CDH13: variants seen among roughly 807,000 people sequenced by gnomAD.
CDH13 encodes cadherin 13, also known as cadherin-13.
A neutral mutation model predicts 63.8 loss-of-function variants in CDH13; 24 were observed. That is an observed-to-expected ratio of 0.38 (90% CI 0.27 to 0.53). The LOEUF (loss-of-function observed/expected upper bound fraction) is 0.53. Ranked by LOEUF, CDH13 falls within the 20% of genes least tolerant of loss-of-function variation. The pLI is 0.85. For synonymous variants in CDH13, 503 were observed against 355.3 expected, an observed-to-expected ratio of 1.42 and a Z score of -4.67; for missense variants, 1,049 against 903.1, an observed-to-expected ratio of 1.16 and a Z score of -2.07.
intron 1 of CDH13, among the ~76,000 whole-genome samples, chr16:82,635,615 G>A (rs891515416): frequency 6.6e-6 from 1 of 152,190 alleles, no homozygotes; most frequent in African/African-American, 2.4e-5. Context: ...ATGGGTTGGA[G>A]CTGGGTAAGA....
intron 7 of CDH13, among the ~76,000 whole-genome samples, chr16:83,495,258 G>T (rs192796005): frequency 1.3e-5 from 2 of 152,292 alleles, no homozygotes; most frequent in African/African-American, 2.4e-5. Flanking sequence ...ATGTACAATG[G>T]TTCGGTCTGG....
intron 4 of CDH13, among the ~76,000 whole-genome samples, chr16:83,134,474 G>C (rs1384017143): frequency 1.3e-5 from 2 of 151,416 alleles, no homozygotes; most frequent in Non-Finnish European, 2.9e-5. Flanking sequence ...ACAGGCATGA[G>C]ATGCTGTGCC....
intron 8 of CDH13, among the ~76,000 whole-genome samples, chr16:83,630,565 G>C (rs770938598): frequency 6.6e-6 from 1 of 152,140 alleles, no homozygotes; most frequent in Non-Finnish European, 1.5e-5. Context: ...CGGCGGTAGA[G>C]GAATAGTCAC....
At chr16:83,748,634 A>G (rs1912809974) in intron 11 of CDH13, among the ~76,000 whole-genome samples, 1 of 152,198 alleles carries the variant, frequency 6.6e-6, no homozygotes, top group Non-Finnish European at 1.5e-5. Flanking sequence ...GACCCTGACC[A>G]TTGAATTGTT....
chr16:83,378,616 G>T (rs1471776135), intron 6 of CDH13, among the ~76,000 whole-genome samples: 1 of 152,138 alleles, frequency 6.6e-6, no homozygotes, highest in Non-Finnish European at 1.5e-5. Flanking sequence ...ATATGATCCA[G>T]TTATTGCTGG....
chr16:82,683,757 G>A (rs1448151583), intron 1 of CDH13, among the ~76,000 whole-genome samples: 1 of 152,188 alleles, frequency 6.6e-6, no homozygotes, highest in African/African-American at 2.4e-5. Flanking sequence ...TAATGAGGGA[G>A]AAAATGAGAC....
intron 10 of CDH13, chr16:83,735,487 G>A (rs1911455185): frequency 6.6e-6 from 1 of 152,120 alleles, no homozygotes; most frequent in Non-Finnish European, 1.5e-5. Flanking sequence ...GGCATAATGT[G>A]ATGGTTTGGT....
At chr16:83,495,657 T>A (rs1419912512) in intron 7 of CDH13, among the ~76,000 whole-genome samples, 1 of 152,226 alleles carries the variant, frequency 6.6e-6, no homozygotes, top group African/African-American at 2.4e-5. Flanking sequence ...AAAATATTTT[T>A]ATTTCCTTCC....
chr16:83,045,634 TAAAAAAAA>T lies in CDH13; in HGVS notation c.366+13434_366+13441del, dbSNP rs71382861. On this transcript the variant is annotated intron_variant, in intron 3 of 13. Transcript: ENST00000567109. ...TCTGGGCGACAGATCAAGATTCCTT[TAAAAAAAA>T]AAAAAAAAAAAAAAAAAGATGGGTC... Among the ~76,000 whole-genome samples, 206 of 107,898 alleles carry T rather than the reference TAAAAAAAA, an allele frequency of 1.9e-3. 1 individual carries two copies. The highest frequency in any genetic ancestry group is 0.011 in the Middle Eastern group (2 of 188). 70.8% of individuals were successfully genotyped at this position (107,898 alleles called of 152,430 possible).
At chr16:83,676,418 C>T (rs1695010756) in intron 9 of CDH13, among the ~76,000 whole-genome samples, 1 of 152,306 alleles carries the variant, frequency 6.6e-6, no homozygotes, top group South Asian at 2.1e-4. Flanking sequence ...GCCAAAGGCT[C>T]TGTCCCCTCC....
intron 2 of CDH13, among the ~76,000 whole-genome samples, chr16:82,924,629 G>T (rs2042250008): frequency 6.6e-6 from 1 of 152,106 alleles, no homozygotes; most frequent in Admixed American, 6.6e-5. Flanking sequence ...GAGCTTTTAA[G>T]ATAAAGCCCG....
At chr16:82,900,667 G>A (rs886807717) in intron 2 of CDH13, among the ~76,000 whole-genome samples, 14 of 152,188 alleles carry the variant, frequency 9.2e-5, no homozygotes, top group Non-Finnish European at 1.8e-4. Flanking sequence ...ATGAACCAAC[G>A]TCCCCGAGGA....
intron 2 of CDH13, among the ~76,000 whole-genome samples, chr16:82,867,705 G>GA (rs769728908): frequency 6.6e-5 from 10 of 152,320 alleles, no homozygotes; most frequent in African/African-American, 9.6e-5. Flanking sequence ...GGCAATTAAT[G>GA]AAAAAGCATG....
intron 9 of CDH13, among the ~76,000 whole-genome samples, chr16:83,673,883 A>T (rs1251267821): frequency 6.6e-6 from 1 of 152,222 alleles, no homozygotes; most frequent in Non-Finnish European, 1.5e-5. Context: ...CCAGGGGAAG[A>T]GGTGCCCACA....
At chr16:83,706,428 G>T (rs6563972) in intron 10 of CDH13, among the ~76,000 whole-genome samples, 96,624 of 152,000 alleles carry the variant, frequency 0.64, 31,270 homozygotes, top group Middle Eastern at 0.75. Context: ...AGAAATATTA[G>T]CATGGCCATT....
intron 7 of CDH13, among the ~76,000 whole-genome samples, chr16:83,569,938 T>G (rs935164441): frequency 2.6e-5 from 4 of 152,130 alleles, no homozygotes; most frequent in African/African-American, 7.2e-5. Flanking sequence ...GGTTTCACCA[T>G]ATTGGCCAGG....
At chr16:83,677,980 A>C (rs751643573) in intron 9 of CDH13, among the ~76,000 whole-genome samples, 2 of 152,130 alleles carry the variant, frequency 1.3e-5, no homozygotes, top group Non-Finnish European at 2.9e-5. Context: ...TTTCTTAATC[A>C]AAAACACAAA....
chr16:83,203,327 T>C (rs2039086546), intron 4 of CDH13, among the ~76,000 whole-genome samples: 1 of 152,174 alleles, frequency 6.6e-6, no homozygotes, highest in Non-Finnish European at 1.5e-5. Context: ...CTCAGAGTCA[T>C]GCAATATACC....
intron 1 of CDH13, among the ~76,000 whole-genome samples, chr16:82,779,858 A>G (rs2035668837): frequency 7.4e-6 from 1 of 135,964 alleles, no homozygotes; most frequent in African/African-American, 2.5e-5. Context: ...TGGCTCTCAT[A>G]GTATTTTGTC....
Sources: gnomAD v4.1 joint callset for allele counts (sites outside exome capture counted in the v4.1 genomes callset) on GRCh38, gnomAD v4.1.1 for gene constraint, MANE v1.5 for transcripts, NCBI Gene and HGNC (gene_info 2026-07-23, HGNC 2026-07-21) for gene names.